Variants in MAF observed in about 807,000 individuals in gnomAD.
MAF encodes the protein transcription factor Maf.
In MAF, 10 loss-of-function variants were observed where a neutral mutation model predicts 22.0. The observed-to-expected ratio is 0.45, with a 90% CI of 0.28 to 0.77. The LOEUF is 0.77. MAF is among the 30% of genes least tolerant of loss of function. The pLI, the probability that MAF is intolerant of heterozygous loss-of-function variation, is 0.12. For missense variants in MAF, 544 were observed against 548.4 expected (o/e 0.99, Z 0.08); for synonymous variants, 337 against 255.8 (o/e 1.32, Z -3.03).
chr16:79,332,936 A>C, the MAF span, among the ~76,000 whole-genome samples: 1 of 152,210 alleles, frequency 6.6e-6, no homozygotes, highest in African/African-American at 2.4e-5. Flanking sequence ...TGCTGACTTT[A>C]AAGTCCATGG....
At chr16:79,435,335 T>C in the MAF span, among the ~76,000 whole-genome samples, 1 of 152,184 alleles carries the variant, frequency 6.6e-6, no homozygotes, top group Non-Finnish European at 1.5e-5. Context: ...GAAATCTTCC[T>C]GTAAATTACA....
At chr16:79,564,610 G>A in the MAF span, among the ~76,000 whole-genome samples, 2,639 of 152,286 alleles carry the variant, frequency 0.017, 72 homozygotes, top group African/African-American at 0.06. Context: ...AACTCTCGGG[G>A]CATGGAGCAC....
chr16:79,547,730 A>G, the MAF span, among the ~76,000 whole-genome samples: 75 of 152,310 alleles, frequency 4.9e-4, no homozygotes, highest in Non-Finnish European at 9.7e-4. Flanking sequence ...TGCTTTATAT[A>G]TAAGCCACCA....
downstream of MAF, among the ~76,000 whole-genome samples, chr16:79,593,366 T>A (rs1310167937): frequency 6.6e-6 from 1 of 151,978 alleles, no homozygotes; most frequent in Non-Finnish European, 1.5e-5. Context: ...TGTGCCATGT[T>A]TGTGAGGGTG....
chr16:79,221,334 G>T, the MAF span, among the ~76,000 whole-genome samples: 5 of 152,064 alleles, frequency 3.3e-5, no homozygotes, highest in African/African-American at 1.2e-4. Flanking sequence ...TCCTCCCTGG[G>T]AAAAAATTCA....
chr16:79,456,979 G>T, the MAF span, among the ~76,000 whole-genome samples: 4 of 151,846 alleles, frequency 2.6e-5, no homozygotes, highest in Non-Finnish European at 5.9e-5. Flanking sequence ...CTATGTATTT[G>T]CTTTGGTGTG....
chr16:79,513,981 T>TC, the MAF span, among the ~76,000 whole-genome samples: 1 of 151,988 alleles, frequency 6.6e-6, no homozygotes, highest in African/African-American at 2.4e-5. Context: ...AAGAACACCT[T>TC]CCCCCCACCC....
chr16:79,279,249 A>G, the MAF span, among the ~76,000 whole-genome samples: 2 of 152,188 alleles, frequency 1.3e-5, no homozygotes, highest in African/African-American at 4.8e-5. Context: ...GGTCCTAGTC[A>G]GCTCTCCATT....
At chr16:79,568,570 T>G in the MAF span, among the ~76,000 whole-genome samples, 2 of 152,176 alleles carry the variant, frequency 1.3e-5, no homozygotes, top group Non-Finnish European at 2.9e-5. Flanking sequence ...AACATCAGGT[T>G]TTTTAGTGGC....
chr16:79,218,732 G>A, the MAF span, among the ~76,000 whole-genome samples: 138 of 152,308 alleles, frequency 9.1e-4, no homozygotes, highest in Non-Finnish European at 1.5e-3. Context: ...GAGTTCACAT[G>A]TTTAATTAGA....
chr16:79,594,369 C>G lies in MAF; in HGVS notation c.*91G>C, dbSNP rs1047666432. On this transcript the variant is annotated 3_prime_UTR_variant, in exon 2 of 2. Coordinates refer to ENST00000326043, the MANE Select transcript of MAF (RefSeq NM_005360.5). ...CAGTAATTTTTATTTAAAAAGGAGACTAAACAGAAGTCAGGGGTAGGTGGT... is the reference window on the plus strand; with the variant it reads ...CAGTAATTTTTATTTAAAAAGGAGAGTAAACAGAAGTCAGGGGTAGGTGGT... The G allele has an allele frequency of 8.8e-7, 1 of 1,138,636 alleles. No homozygotes were observed. Among genetic ancestry groups the G allele is most frequent in the Non-Finnish European group, 1.3e-6 (1 of 773,274 alleles). 70.5% of individuals were successfully genotyped at this position (1,138,636 alleles called of 1,614,324 possible).
At chr16:79,269,531 T>TA in the MAF span, among the ~76,000 whole-genome samples, 35 of 151,798 alleles carry the variant, frequency 2.3e-4, no homozygotes, top group African/African-American at 7.5e-4. Context: ...CACCAGGCTT[T>TA]AAAAAAAAAT....
chr16:79,389,723 T>C, the MAF span, among the ~76,000 whole-genome samples: 1 of 152,084 alleles, frequency 6.6e-6, no homozygotes. Context: ...ACGCCTGTAA[T>C]CCCAGCACTT....
chr16:79,377,606 C>T, the MAF span, among the ~76,000 whole-genome samples: 3 of 152,184 alleles, frequency 2.0e-5, no homozygotes, highest in Non-Finnish European at 4.4e-5. Flanking sequence ...CTTGCCCATG[C>T]CTATGTCCTG....
the MAF span, among the ~76,000 whole-genome samples, chr16:79,570,644 G>C: frequency 6.6e-6 from 1 of 152,168 alleles, no homozygotes; most frequent in Admixed American, 6.5e-5. Flanking sequence ...CTATGGGTGG[G>C]TCAGGATAAG....
the MAF span, among the ~76,000 whole-genome samples, chr16:79,461,752 T>C: frequency 6.6e-6 from 1 of 152,220 alleles, no homozygotes; most frequent in Non-Finnish European, 1.5e-5. Context: ...TGTGCCCATG[T>C]GGTTGGTCTG....
the MAF span, among the ~76,000 whole-genome samples, chr16:79,574,970 G>C: frequency 6.6e-6 from 1 of 151,800 alleles, no homozygotes; most frequent in African/African-American, 2.4e-5. Context: ...GTGTCCCTGG[G>C]GTTCTTCTAC....
chr16:79,299,637 G>A, the MAF span, among the ~76,000 whole-genome samples: 1 of 152,218 alleles, frequency 6.6e-6, no homozygotes, highest in Admixed American at 6.5e-5. Context: ...GTGAGGCCCT[G>A]GAGGGCCCCT....
At chr16:79,524,506 C>T in the MAF span, among the ~76,000 whole-genome samples, 1 of 152,234 alleles carries the variant, frequency 6.6e-6, no homozygotes, top group African/African-American at 2.4e-5. Flanking sequence ...ATCCAACATT[C>T]ATCAGCAATT....
Sources: gnomAD v4.1 joint callset for allele counts (sites outside exome capture counted in the v4.1 genomes callset) on GRCh38, gnomAD v4.1.1 for gene constraint, MANE v1.5 for transcripts, NCBI Gene and HGNC (gene_info 2026-07-23, HGNC 2026-07-21) for gene names.